NIPBL: variants seen among roughly 807,000 people sequenced by gnomAD.
NIPBL encodes nipped-B-like protein.
A neutral mutation model predicts 321.8 loss-of-function variants in NIPBL; 19 were observed. The observed-to-expected ratio is 0.06, with a 90% CI of 0.04 to 0.09. The LOEUF (loss-of-function observed/expected upper bound fraction) is 0.09, where lower values mean the gene tolerates loss of function less well. Ranked by LOEUF, NIPBL falls within the 10% of genes least tolerant of loss-of-function variation. NIPBL has a pLI of 1.00. For synonymous variants in NIPBL, 1,106 were observed against 1,114.1 expected (o/e 0.99, Z 0.14); for missense variants, 2,210 against 3,327.0 (o/e 0.66, Z 8.26).
intron 9 of NIPBL, chr5:36,982,296 T>A: frequency 1.3e-6 from 1 of 788,172 alleles, no homozygotes; most frequent in Non-Finnish European, 1.5e-6. Flanking sequence ...GGTTATGATG[T>A]AATGAAGACT....
chr5:37,019,600 C>T (rs1749394798), intron 25 of NIPBL, among the ~76,000 whole-genome samples, 200 bp downstream of exon 25: 1 of 152,170 alleles, frequency 6.6e-6, no homozygotes, highest in African/African-American at 2.4e-5. Context: ...GTTACAGATA[C>T]TGTACTGTAC....
At chr5:36,881,892 T>A (rs796514718) in intron 1 of NIPBL, among the ~76,000 whole-genome samples, 1 of 152,120 alleles carries the variant, frequency 6.6e-6, no homozygotes, top group African/African-American at 2.4e-5. Context: ...TTATATTGAG[T>A]TGAAGATGTT....
chr5:37,014,646 T>C, intron 21 of NIPBL, 37 bp from the exon 22 acceptor site: 3 of 1,230,038 alleles, frequency 2.4e-6, no homozygotes, highest in African/African-American at 1.5e-5. Flanking sequence ...ACTTATTATT[T>C]CTTGTATCTT....
intron 1 of NIPBL, among the ~76,000 whole-genome samples, chr5:36,901,036 A>G (rs190443667): frequency 3.8e-4 from 58 of 151,906 alleles, no homozygotes; most frequent in African/African-American, 1.3e-3. Flanking sequence ...TGTTGTATAG[A>G]TTATTTTGTG....
chr5:36,992,828 C>A (rs552965167), intron 10 of NIPBL, among the ~76,000 whole-genome samples: 1 of 151,654 alleles, frequency 6.6e-6, no homozygotes, highest in African/African-American at 2.4e-5. Context: ...CTGCAGACTC[C>A]GCCTTCCGGG....
chr5:36,992,380 C>T (rs143980157), intron 10 of NIPBL, among the ~76,000 whole-genome samples: 160 of 152,230 alleles, frequency 1.1e-3, no homozygotes, highest in Non-Finnish European at 1.6e-3. Context: ...TAAGAGATAG[C>T]AAGACTTTAT....
chr5:37,054,535 T>C (rs894738726), intron 42 of NIPBL, among the ~76,000 whole-genome samples: 4 of 152,218 alleles, frequency 2.6e-5, no homozygotes, highest in African/African-American at 9.7e-5. Flanking sequence ...TTGATAATAT[T>C]GTTCCAGTCC....
chr5:36,995,234 A>G (rs1001859422), intron 10 of NIPBL: 5 of 186,678 alleles, frequency 2.7e-5, no homozygotes, highest in African/African-American at 1.2e-4. Context: ...GACCTACACA[A>G]AACAAAATTT....
At chr5:36,928,526 A>G (rs1749534112) in intron 1 of NIPBL, among the ~76,000 whole-genome samples, 3 of 152,210 alleles carry the variant, frequency 2.0e-5, no homozygotes, top group Non-Finnish European at 4.4e-5. Context: ...GGAGATTAAT[A>G]TCTCTAGATG....
At chr5:36,881,232 T>G (rs192349443) in intron 1 of NIPBL, among the ~76,000 whole-genome samples, 14 of 152,106 alleles carry the variant, frequency 9.2e-5, no homozygotes, top group Non-Finnish European at 1.8e-4. Flanking sequence ...TTTTATGTGC[T>G]TAGAATATTT....
At chr5:36,955,417 T>G in intron 2 of NIPBL, 55 bp from the exon 3 acceptor site, 1 of 1,439,636 alleles carries the variant, frequency 6.9e-7, no homozygotes, top group South Asian at 1.1e-5. Context: ...AGATAAGCAC[T>G]AAAGAGACTT....
chr5:37,041,795 C>T lies in NIPBL; in HGVS notation c.6109-2552C>T, dbSNP rs1037741505. 3.3e-5 allele frequency among the ~76,000 whole-genome samples: 5 copies of T among 151,828 alleles called. No individual in the cohort carries two copies. In the East Asian group the frequency reaches 5.9e-4, roughly 18 times the overall value. ...GGCCAGGCTGGTCTTGAACTCCGGG[C>T]CTCAAGTGATCTGCCTACTGTGGCC... On this transcript the variant is annotated intron_variant, in intron 34 of 46. Transcript: ENST00000282516.
chr5:36,918,067 A>G (rs1348227494), intron 1 of NIPBL, among the ~76,000 whole-genome samples: 2 of 152,126 alleles, frequency 1.3e-5, no homozygotes, highest in Non-Finnish European at 2.9e-5. Context: ...GAAGAAAGTC[A>G]TTGGTAGCTT....
At chr5:37,017,984 T>TG in intron 24 of NIPBL, among the ~76,000 whole-genome samples, 1 of 152,306 alleles carries the variant, frequency 6.6e-6, no homozygotes, top group African/African-American at 2.4e-5. Flanking sequence ...GAAGTTAAGT[T>TG]GCAGACATGA....
At chr5:37,039,147 C>T (rs903858546) in intron 34 of NIPBL, among the ~76,000 whole-genome samples, 4 of 151,972 alleles carry the variant, frequency 2.6e-5, no homozygotes, top group Non-Finnish European at 5.9e-5. Flanking sequence ...TACTTCCCAT[C>T]TAATGCACAT....
chr5:37,000,630 T>G, intron 12 of NIPBL, 60 bp downstream of exon 12: 1 of 1,534,730 alleles, frequency 6.5e-7, no homozygotes, highest in Admixed American at 1.7e-5. Flanking sequence ...GGGCTTTAAC[T>G]TTGAAGAATA....
chr5:36,962,193 C>G lies in NIPBL; in HGVS notation c.529C>G (p.Pro177Ala). 6.2e-7 allele frequency: 1 copy of G among 1,614,090 alleles called. No individual in the cohort carries two copies. Among genetic ancestry groups the G allele is most frequent in the Non-Finnish European group, 8.5e-7 (1 of 1,179,962 alleles). ...ACAGCAAAATAGCCCAGTGCCTAGT[C>G]CATACGCCCCACAAAGCCCTGCAGG... is the stretch of plus-strand genomic sequence containing the variant. Reference protein sequence around the residue: ...MPQQNSPVPSPYAPQSPAGYM... With the variant: ...MPQQNSPVPSAYAPQSPAGYM... The change falls in exon 6 of 47, where the codon CCA becomes GCA. Residue 177 changes from proline to alanine, a missense_variant. Around this residue, in one of 14 missense-constraint regions of NIPBL, gnomAD observed 464 missense variants for 529.5 expected, o/e 0.88. Coordinates refer to ENST00000282516, the MANE Select transcript of NIPBL (RefSeq NM_133433.4).
At chr5:37,061,162 T>G (rs1754623890) in intron 45 of NIPBL, 144 bp downstream of exon 45, 1 of 646,356 alleles carries the variant, frequency 1.5e-6, no homozygotes, top group South Asian at 2.0e-5. Context: ...CTATCTTATT[T>G]TAATGAGTTA....
chr5:36,947,595 T>A (rs1739829893), intron 1 of NIPBL, among the ~76,000 whole-genome samples: 1 of 152,078 alleles, frequency 6.6e-6, no homozygotes, highest in African/African-American at 2.4e-5. Context: ...CCTAGCTCAG[T>A]ATACTTCATA....
Sources: gnomAD v4.1 joint callset for allele counts (sites outside exome capture counted in the v4.1 genomes callset) on GRCh38, gnomAD v4.1.1 for gene constraint, gnomAD v4.1.1 regional missense constraint, MANE v1.5 for transcripts, NCBI Gene and HGNC (gene_info 2026-07-23, HGNC 2026-07-21) for gene names.